The following DLGAP4 variants were observed in gnomAD, a reference collection of about 807,000 sequenced individuals.
DLGAP4 encodes the protein DLG associated protein 4.
In DLGAP4, 18 loss-of-function variants were observed where a neutral mutation model predicts 86.9. The observed-to-expected ratio is 0.21, with a 90% CI of 0.14 to 0.31. The LOEUF (loss-of-function observed/expected upper bound fraction) is 0.31. Among genes scored for constraint, DLGAP4 ranks in the 10% least tolerant of loss-of-function variants. The pLI, the probability that DLGAP4 is intolerant of heterozygous loss-of-function variation, is 1.00. For synonymous variants in DLGAP4, 548 were observed against 574.3 expected (o/e 0.95, Z 0.65); for missense variants, 1,085 against 1,362.6 (o/e 0.80, Z 3.21).
intron 3 of DLGAP4, among the ~76,000 whole-genome samples, chr20:36,433,164 C>T (rs756004483): frequency 2.6e-5 from 4 of 152,000 alleles, no homozygotes; most frequent in African/African-American, 4.8e-5. Flanking sequence ...GAAATGTGAG[C>T]GAGGGAGGGG....
chr20:36,447,807 A>G (rs1240133954), intron 7 of DLGAP4, among the ~76,000 whole-genome samples: 1 of 150,094 alleles, frequency 6.7e-6, no homozygotes, highest in African/African-American at 2.4e-5. Context: ...AAGCCATGAA[A>G]TAATAGAAAA....
chr20:36,449,399 A>G (rs34716589), intron 7 of DLGAP4, among the ~76,000 whole-genome samples: 2,051 of 152,306 alleles, frequency 0.013, 18 homozygotes, highest in Non-Finnish European at 0.02. Context: ...CTCTGAAAAT[A>G]TAGACTGGTC....
rs533528231 is a variant in DLGAP4 at position 36,478,913 on chromosome 20, G to T, written c.1649-17792G>T. 5.9e-5 allele frequency among the ~76,000 whole-genome samples: 9 copies of T among 152,320 alleles called. 1 individual carries two copies. The South Asian group carries it at 1.9e-3, about 32-fold the overall frequency. On this transcript the variant is annotated intron_variant, in intron 7 of 12. Coordinates refer to ENST00000339266, the MANE Select transcript of DLGAP4 (RefSeq NM_001365621.2). ...GTAAGATGCAGAGGTTAGGACCTCA[G>T]ATGGTGATTGGGCTACTGCAATAAC...
chr20:36,487,714 C>T (rs1293265048), intron 7 of DLGAP4, among the ~76,000 whole-genome samples: 1 of 152,174 alleles, frequency 6.6e-6, no homozygotes, highest in Non-Finnish European at 1.5e-5. Flanking sequence ...ACCTTAGTGT[C>T]TTCCAGAAAG....
chr20:36,407,460 C>T (rs1044809557), intron 2 of DLGAP4, among the ~76,000 whole-genome samples: 3 of 152,146 alleles, frequency 2.0e-5, no homozygotes, highest in Admixed American at 1.3e-4. Context: ...GTGGTCATGA[C>T]TCAGAAACGT....
chr20:36,449,045 T>A (rs2147583983), intron 7 of DLGAP4, among the ~76,000 whole-genome samples: 1 of 152,308 alleles, frequency 6.6e-6, no homozygotes, highest in East Asian at 1.9e-4. Context: ...CTTGTTCACC[T>A]CTGTTTCTGG....
chr20:36,478,474 A>G (rs2035043096), intron 7 of DLGAP4, among the ~76,000 whole-genome samples: 1 of 152,210 alleles, frequency 6.6e-6, no homozygotes, highest in African/African-American at 2.4e-5. Context: ...TATGTTTGCA[A>G]AAACATCAGG....
chr20:36,453,934 CAAAA>C (rs1194294335), intron 7 of DLGAP4, among the ~76,000 whole-genome samples: 619 of 42,644 alleles, frequency 0.015, 3 homozygotes, highest in African/African-American at 0.05. Context: ...ACTCTGTCTC[CAAAA>C]AAAAAAAAAA....
intron 7 of DLGAP4, among the ~76,000 whole-genome samples, chr20:36,487,211 G>A (rs1288087942): frequency 6.6e-6 from 1 of 152,186 alleles, no homozygotes; most frequent in Non-Finnish European, 1.5e-5. Context: ...CAAGGCTGAT[G>A]TGAAGGAGGA....
chr20:36,409,344 AT>A (rs1379270484), intron 2 of DLGAP4, among the ~76,000 whole-genome samples: 4 of 148,608 alleles, frequency 2.7e-5, no homozygotes, highest in Admixed American at 6.7e-5. Context: ...TAAAAGACTT[AT>A]TTTTTTCATG....
At position 36,431,224 on chromosome 20, in the gene DLGAP4, C is replaced by G. The variant is rs2147538714; in HGVS notation, c.-72-422C>G. 6.6e-6 allele frequency among the ~76,000 whole-genome samples: 1 copy of G among 152,144 alleles called. No individual in the cohort carries two copies. The highest frequency in any genetic ancestry group is 2.1e-4 in the South Asian group (1 of 4,814). On this transcript the variant is annotated intron_variant, in intron 2 of 12. Coordinates refer to ENST00000339266, the MANE Select transcript of DLGAP4 (RefSeq NM_001365621.2). This position sits in a 1 kb window ranked among gnomAD's most constrained non-coding sequence, Gnocchi z 5.1. ...GGATGACTGTTTGGGGGCCTGTGGA[C>G]AGAGCTAGGAGATGTGGGCTGGGGT... is the stretch of plus-strand genomic sequence containing the variant.
At chr20:36,405,602 G>A (rs1213409928) in intron 2 of DLGAP4, among the ~76,000 whole-genome samples, 1 of 152,126 alleles carries the variant, frequency 6.6e-6, no homozygotes, top group East Asian at 1.9e-4. Flanking sequence ...ATGGTGGATG[G>A]GGCAGGGAGG....
intron 2 of DLGAP4, among the ~76,000 whole-genome samples, chr20:36,409,495 G>A (rs1399801509): frequency 2.0e-5 from 3 of 149,760 alleles, no homozygotes; most frequent in East Asian, 1.9e-4. Flanking sequence ...AGGCTGAGGC[G>A]GGCAGATCAC....
intron 5 of DLGAP4, 41 bp downstream of exon 5, chr20:36,439,909 T>G (rs1600531629): frequency 6.5e-7 from 1 of 1,548,332 alleles, no homozygotes. Context: ...GGGGCTTGGG[T>G]ACTGATTCCC....
chr20:36,396,343 ACACACACACATAC>A (rs1284702272), intron 2 of DLGAP4, among the ~76,000 whole-genome samples: 151 of 806 alleles, frequency 0.19, 1 homozygote, highest in East Asian at 0.26. Context: ...ACACGCACAC[ACACACACACATAC>A]CACACGCACA....
intron 1 of DLGAP4, among the ~76,000 whole-genome samples, chr20:36,325,700 TATA>T (rs1230762290): frequency 5.3e-5 from 8 of 151,966 alleles, no homozygotes; most frequent in African/African-American, 1.7e-4. Context: ...GAAGTGATTT[TATA>T]ATATTACAAA....
At chr20:36,345,945 C>A (rs2029923179) in intron 1 of DLGAP4, among the ~76,000 whole-genome samples, 1 of 152,060 alleles carries the variant, frequency 6.6e-6, no homozygotes, top group South Asian at 2.1e-4. Context: ...TTTGTAGAGA[C>A]AGGGTCTTGC....
intron 10 of DLGAP4, among the ~76,000 whole-genome samples, chr20:36,502,594 C>G (rs1239784657): frequency 6.6e-6 from 1 of 152,156 alleles, no homozygotes; most frequent in Admixed American, 6.5e-5. Context: ...TCAAGCCATC[C>G]TCTTGGGTTG....
intron 2 of DLGAP4, among the ~76,000 whole-genome samples, chr20:36,375,885 C>T (rs1412330247): frequency 1.3e-5 from 2 of 152,076 alleles, no homozygotes; most frequent in East Asian, 1.9e-4. Flanking sequence ...AGGGAGCCAA[C>T]GGCAGGTTAG....
Sources: gnomAD v4.1 joint callset for allele counts (sites outside exome capture counted in the v4.1 genomes callset) on GRCh38, gnomAD v4.1.1 for gene constraint, Gnocchi (gnomAD v3.1) non-coding constraint, MANE v1.5 for transcripts, NCBI Gene and HGNC (gene_info 2026-07-23, HGNC 2026-07-21) for gene names.